Variants in ADGB observed in about 807,000 individuals in gnomAD.
ADGB encodes androglobin.
A neutral mutation model predicts 210.5 loss-of-function variants in ADGB; 172 were observed. The ratio of observed to expected loss-of-function variants is 0.82; its 90% CI spans 0.72 to 0.93. The LOEUF (loss-of-function observed/expected upper bound fraction) is 0.93, where lower values mean the gene tolerates loss of function less well. Among genes scored for constraint, ADGB ranks in the 40% least tolerant of loss-of-function variants. The pLI, the probability that ADGB is intolerant of heterozygous loss-of-function variation, is 0.00. For synonymous variants in ADGB, 658 were observed against 662.7 expected, an observed-to-expected ratio of 0.99 and a Z score of 0.11; for missense variants, 2,025 against 1,964.8, an observed-to-expected ratio of 1.03 and a Z score of -0.58.
chr6:146,767,078 C>CA (rs1777587083), intron 28 of ADGB, among the ~76,000 whole-genome samples: 1 of 152,026 alleles, frequency 6.6e-6, no homozygotes, highest in Non-Finnish European at 1.5e-5. Flanking sequence ...TGTTACATGC[C>CA]AAAAATTTTA....
intron 28 of ADGB, among the ~76,000 whole-genome samples, chr6:146,767,450 A>G (rs1297044249): frequency 6.6e-6 from 1 of 152,162 alleles, no homozygotes; most frequent in Admixed American, 6.5e-5. Context: ...TGCTTCACAC[A>G]TAGATCTTGA....
rs1776936555 is a variant in ADGB at position 146,728,749 on chromosome 6, T to A, written c.2520+8T>A. ...ACTGCACAGCACTTCAGGGTAAGCT[T>A]GTTTGGGATACAATGTTCAGAAGAG... On this transcript the variant is annotated splice_region_variant and intron_variant, in intron 20 of 35. Transcript: ENST00000397944. 1.3e-6 allele frequency: 2 copies of A among 1,526,952 alleles called. No individual in the cohort carries two copies. The highest frequency in any genetic ancestry group is 2.5e-5 in the South Asian group (2 of 80,638). The allele number at this position is 1,526,952 out of a possible 1,614,324, so 94.6% of individuals were successfully genotyped here. A position where few individuals can be genotyped will look rare whatever the true frequency, so the allele number is the denominator to read the frequency against.
intron 23 of ADGB, 40 bp from the exon 24 acceptor site, chr6:146,740,419 G>T: frequency 1.4e-6 from 2 of 1,454,002 alleles, no homozygotes. Flanking sequence ...CTTTAAAGTG[G>T]CTTTTGCCAT....
intron 1 of ADGB, among the ~76,000 whole-genome samples, chr6:146,614,759 C>G (rs1244040146): frequency 6.6e-6 from 1 of 152,172 alleles, no homozygotes; most frequent in African/African-American, 2.4e-5. Flanking sequence ...GCTCACAGTT[C>G]TGCAGAATGT....
At chr6:146,741,982 T>C (rs1353448321) in intron 25 of ADGB, among the ~76,000 whole-genome samples, 24 of 152,234 alleles carry the variant, frequency 1.6e-4, no homozygotes. Flanking sequence ...TTTTGAGTTA[T>C]GTCTGTACTT....
chr6:146,791,703 C>G (rs1777958912), intron 33 of ADGB, among the ~76,000 whole-genome samples: 1 of 152,008 alleles, frequency 6.6e-6, no homozygotes, highest in Admixed American at 6.6e-5. Flanking sequence ...GTTTTCCAAA[C>G]ACCGTTTATT....
intron 26 of ADGB, among the ~76,000 whole-genome samples, chr6:146,749,873 A>G (rs934155580): frequency 6.6e-6 from 1 of 152,086 alleles, no homozygotes; most frequent in Non-Finnish European, 1.5e-5. Flanking sequence ...TCAAACAACC[A>G]GATCTCATGA....
At chr6:146,748,659 C>T (rs994383207) in intron 26 of ADGB, among the ~76,000 whole-genome samples, 2 of 152,150 alleles carry the variant, frequency 1.3e-5, no homozygotes, top group African/African-American at 2.4e-5. Flanking sequence ...AATCATGGCT[C>T]ACTAAAAACT....
chr6:146,665,678 A>T (rs1775928904), intron 6 of ADGB, among the ~76,000 whole-genome samples: 1 of 152,078 alleles, frequency 6.6e-6, no homozygotes, highest in South Asian at 2.1e-4. Flanking sequence ...ATTATTGTTT[A>T]AAAAATCCAA....
intron 27 of ADGB, among the ~76,000 whole-genome samples, chr6:146,762,724 G>A (rs1927215): frequency 3.1e-3 from 473 of 152,214 alleles, no homozygotes; most frequent in Non-Finnish European, 4.7e-3. Flanking sequence ...TTCTAGAGTT[G>A]CCATGACTCT....
chr6:146,706,098 A>G (rs183747775), intron 13 of ADGB, among the ~76,000 whole-genome samples: 1 of 148,408 alleles, frequency 6.7e-6, no homozygotes, highest in Non-Finnish European at 1.5e-5. Flanking sequence ...TTAATTTAAA[A>G]AAAAAAAATT....
At chr6:146,647,386 T>C (rs560001582) in intron 3 of ADGB, among the ~76,000 whole-genome samples, 1 of 152,132 alleles carries the variant, frequency 6.6e-6, no homozygotes, top group Non-Finnish European at 1.5e-5. Flanking sequence ...TGATTTTCCT[T>C]ACAGAAAGCC....
At chr6:146,754,998 G>C (rs1777385951) in intron 27 of ADGB, among the ~76,000 whole-genome samples, 1 of 151,972 alleles carries the variant, frequency 6.6e-6, no homozygotes, top group Non-Finnish European at 1.5e-5. Context: ...TTTTAAATGT[G>C]TGATAACATC....
chr6:146,803,760 T>C (rs1583647395), intron 35 of ADGB: 2 of 677,504 alleles, frequency 3.0e-6, no homozygotes, highest in East Asian at 5.7e-5. Flanking sequence ...CAGCCCAGCC[T>C]CCGCGCTGAC....
At chr6:146,811,690 G>C (rs145733338) in intron 35 of ADGB, among the ~76,000 whole-genome samples, 410 of 151,894 alleles carry the variant, frequency 2.7e-3, no homozygotes, top group African/African-American at 9.0e-3. Context: ...TTTTGTTTTT[G>C]AGATGGACTC....
intron 33 of ADGB, among the ~76,000 whole-genome samples, chr6:146,788,868 T>A (rs1777917781): frequency 1.3e-5 from 2 of 152,208 alleles, no homozygotes; most frequent in African/African-American, 2.4e-5. Flanking sequence ...ATAGGTTTTC[T>A]GTGTCTACAA....
At chr6:146,700,854 T>A in intron 12 of ADGB, 87 bp from the exon 13 acceptor site, 1 of 1,423,366 alleles carries the variant, frequency 7.0e-7, no homozygotes, top group South Asian at 1.4e-5. Context: ...CAGAACTTTC[T>A]ATTGTTGACA....
intron 20 of ADGB, among the ~76,000 whole-genome samples, chr6:146,729,063 A>G (rs1027617476): frequency 2.0e-5 from 3 of 152,024 alleles, no homozygotes; most frequent in Admixed American, 6.6e-5. Flanking sequence ...TTCTCCACCA[A>G]CTCTTTTCCC....
At chr6:146,774,206 A>G (rs1777691617) in intron 29 of ADGB, among the ~76,000 whole-genome samples, 1 of 152,178 alleles carries the variant, frequency 6.6e-6, no homozygotes, top group African/African-American at 2.4e-5. Context: ...ATGGGTAACT[A>G]TTAAGATTCT....
Sources: allele counts gnomAD v4.1 joint callset (sites outside exome capture counted in the v4.1 genomes callset), GRCh38; gene constraint gnomAD v4.1.1; transcripts MANE v1.5; gene names NCBI Gene and HGNC (gene_info 2026-07-23, HGNC 2026-07-21).